The following SEC23IP variants were observed in gnomAD, a reference collection of about 807,000 sequenced individuals.
SEC23IP encodes the protein SEC23 interacting protein.
A neutral mutation model predicts 113.4 loss-of-function variants in SEC23IP; 70 were observed. The ratio of observed to expected loss-of-function variants is 0.62; its 90% CI spans 0.51 to 0.75. The LOEUF (loss-of-function observed/expected upper bound fraction) is 0.75, where lower values mean the gene tolerates loss of function less well. Ranked by LOEUF, SEC23IP falls within the 30% of genes least tolerant of loss-of-function variation. The pLI is 0.00. For missense variants in SEC23IP, 1,160 were observed against 1,204.9 expected, an observed-to-expected ratio of 0.96 and a Z score of 0.55; for synonymous variants, 398 against 421.0, an observed-to-expected ratio of 0.95 and a Z score of 0.67.
intron 2 of SEC23IP, among the ~76,000 whole-genome samples, chr10:119,899,775 G>T (rs1353825701): frequency 6.6e-6 from 1 of 152,136 alleles, no homozygotes; most frequent in Non-Finnish European, 1.5e-5. Context: ...ATTGTAGTTT[G>T]TTGCTTAAAT....
At position 119,943,575 on chromosome 10, in the gene SEC23IP, G is replaced by A. The variant is rs1399650544; in HGVS notation, c.*3010G>A. ...ACTGCACTCTAGCCTGAGTGACAGA[G>A]CGAGACTCTGTCTCAAAAAAAAATA... On this transcript the variant is annotated 3_prime_UTR_variant, in exon 19 of 19. Transcript: ENST00000369075. The A allele has an allele frequency of 6.6e-6, 1 of 152,108 alleles. No individual in the cohort carries two copies. Among genetic ancestry groups the A allele is most frequent in the Non-Finnish European group, 1.5e-5 (1 of 68,046 alleles). 9.4% of individuals were successfully genotyped at this position (152,108 alleles called of 1,614,324 possible).
intron 18 of SEC23IP, among the ~76,000 whole-genome samples, chr10:119,937,572 C>T (rs959113593): frequency 6.6e-6 from 1 of 151,654 alleles, no homozygotes; most frequent in Non-Finnish European, 1.5e-5. Context: ...GTTGCAGTGA[C>T]CCTAGATTGT....
rs1438631522 is a variant in SEC23IP at position 119,941,371 on chromosome 10, TTTC to T, written c.*815_*817del. 6.6e-6 allele frequency: 1 copy of T among 152,214 alleles called. No homozygotes were observed. The highest frequency in any genetic ancestry group is 1.5e-5 in the Non-Finnish European group (1 of 68,046). The allele number at this position is 152,214 out of a possible 1,614,324, so 9.4% of individuals were successfully genotyped here. A position where few individuals can be genotyped will look rare whatever the true frequency, so the allele number is the denominator to read the frequency against. ...ATGTGAAAACCAAAGTAGAGGTTTT[TTTC>T]TTCTTCTTTTTGTTTTCTATTAATT... On this transcript the variant is annotated 3_prime_UTR_variant, in exon 19 of 19. Coordinates refer to ENST00000369075, the MANE Select transcript of SEC23IP (RefSeq NM_007190.4).
Position 119,914,451 on chromosome 10 carries a change from G to A in SEC23IP, c.1313-279G>A, listed in dbSNP as rs1173563230. On this transcript the variant is annotated intron_variant, in intron 6 of 18. Transcript: ENST00000369075. ...TTCTGAAGCATCACAAGGTTGTGGA[G>A]CCTCCATAGATACAAACCTGCTGCT... The A allele has an allele frequency of 4.7e-5, 19 of 404,176 alleles. No individual in the cohort carries two copies. In the East Asian group the frequency reaches 8.7e-4, roughly 18 times the overall value. 25.0% of individuals were successfully genotyped at this position (404,176 alleles called of 1,614,324 possible). A position where few individuals can be genotyped will look rare whatever the true frequency, so the allele number is the denominator to read the frequency against.
Position 119,942,319 on chromosome 10 carries a change from A to G in SEC23IP, c.*1754A>G, listed in dbSNP as rs935774920. 1.3e-5 allele frequency: 2 copies of G among 151,804 alleles called. No individual in the cohort carries two copies. Among genetic ancestry groups the G allele is most frequent in the African/African-American group, 4.8e-5 (2 of 41,542 alleles). The allele number at this position is 151,804 out of a possible 1,614,324, so 9.4% of individuals were successfully genotyped here. A position where few individuals can be genotyped will look rare whatever the true frequency, so the allele number is the denominator to read the frequency against. The stretch of plus-strand genomic sequence containing the variant: ...TGAGTGACTCTGCCTGTGGATATAT[A>G]TACTCATACATACATATATATATAT... On this transcript the variant is annotated 3_prime_UTR_variant, in exon 19 of 19. Coordinates refer to ENST00000369075, the MANE Select transcript of SEC23IP (RefSeq NM_007190.4).
chr10:119,932,542 C>G (rs900697108), intron 16 of SEC23IP, among the ~76,000 whole-genome samples: 2 of 151,944 alleles, frequency 1.3e-5, no homozygotes, highest in Non-Finnish European at 2.9e-5. Flanking sequence ...GAACTTTTTC[C>G]TCTGCAATTT....
intron 7 of SEC23IP, 116 bp downstream of exon 7, chr10:119,914,935 A>C: frequency 1.1e-6 from 1 of 923,936 alleles, no homozygotes; most frequent in Non-Finnish European, 1.7e-6. Flanking sequence ...GGAGTCTGTA[A>C]GAGGAAATTT....
At chr10:119,932,528 T>TA (rs1407320826) in intron 16 of SEC23IP, among the ~76,000 whole-genome samples, 1 of 152,188 alleles carries the variant, frequency 6.6e-6, no homozygotes, top group Non-Finnish European at 1.5e-5. Context: ...ATCTGATAGT[T>TA]ACTGAACTTT....
chr10:119,923,701 A>ACCAC (rs768087598), intron 12 of SEC23IP, among the ~76,000 whole-genome samples: 4 of 152,164 alleles, frequency 2.6e-5, no homozygotes, highest in Admixed American at 6.6e-5. Context: ...GGCGTCTGCC[A>ACCAC]CCACACCCAG....
chr10:119,918,382 C>A lies in SEC23IP; in HGVS notation c.1754-11C>A. ...TACTACATTATAAGGCAAAATGTTT[C>A]TTTTTCATAGGTTCTTTAATATTGT... On this transcript the variant is annotated splice_polypyrimidine_tract_variant and intron_variant, in intron 9 of 18. Transcript: ENST00000369075. 6.6e-7 allele frequency: 1 copy of A among 1,519,636 alleles called. No homozygotes were observed. The allele number at this position is 1,519,636 out of a possible 1,614,324, so 94.1% of individuals were successfully genotyped here.
intron 1 of SEC23IP, 111 bp from the exon 2 acceptor site, chr10:119,898,316 C>A: frequency 7.4e-7 from 1 of 1,347,670 alleles, no homozygotes. Context: ...GCAGAAATAG[C>A]AAGTTTGAAG....
In SEC23IP at chr10:119,933,018, T is replaced by G; in HGVS notation, c.2772T>G (p.Val924=). Residue 924 remains valine (V), a synonymous_variant, in exon 17 of 19, where the codon GTT becomes GTG. Coordinates refer to ENST00000369075, the MANE Select transcript of SEC23IP (RefSeq NM_007190.4). ...EKQVVEAEKV[V]ESPDFSKDED... ...TTTAAATTCTAGCAGAAAAGGTTGTTGAAAGTCCAGATTTTTCCAAGGATG... is the reference window on the plus strand; with the variant it reads ...TTTAAATTCTAGCAGAAAAGGTTGTGGAAAGTCCAGATTTTTCCAAGGATG... The G allele has an allele frequency of 6.2e-7, 1 of 1,613,482 alleles. No homozygotes were observed. Among genetic ancestry groups the G allele is most frequent in the Non-Finnish European group, 8.5e-7 (1 of 1,179,732 alleles).
At chr10:119,919,393 T>C in intron 10 of SEC23IP, 51 bp from the exon 11 acceptor site, 1 of 1,516,780 alleles carries the variant, frequency 6.6e-7, no homozygotes, top group Non-Finnish European at 8.9e-7. Context: ...GCAGTCATTA[T>C]ATGGGAGTTT....
intron 7 of SEC23IP, 23 bp downstream of exon 7, chr10:119,914,842 T>G (rs1451552929): frequency 1.3e-6 from 2 of 1,594,920 alleles, no homozygotes; most frequent in Non-Finnish European, 1.7e-6. Context: ...TATATTGTAT[T>G]TCATGGGATG....
intron 8 of SEC23IP, 64 bp downstream of exon 8, chr10:119,915,953 A>T (rs960176733): frequency 5.2e-5 from 67 of 1,299,748 alleles, no homozygotes; most frequent in African/African-American, 7.6e-5. Flanking sequence ...TTTAAACCGT[A>T]ATATGAAATA....
chr10:119,929,143 T>C (rs1855508381), intron 13 of SEC23IP, among the ~76,000 whole-genome samples: 1 of 152,238 alleles, frequency 6.6e-6, no homozygotes, highest in Admixed American at 6.5e-5. Flanking sequence ...ATAGTAATTC[T>C]TATATACTAT....
At chr10:119,894,392 C>T (rs1302156750) in intron 1 of SEC23IP, among the ~76,000 whole-genome samples, 1 of 152,204 alleles carries the variant, frequency 6.6e-6, no homozygotes. Flanking sequence ...ATGAAGGTTC[C>T]CCTGCCCATG....
intron 10 of SEC23IP, 86 bp downstream of exon 10, chr10:119,918,597 C>CG: frequency 2.7e-6 from 2 of 732,892 alleles, no homozygotes; most frequent in South Asian, 3.3e-5. Context: ...TTTCTTGAAA[C>CG]TTTTGTTTGT....
rs773788768 is a variant in SEC23IP, at chr10:119,898,618, G to A, written c.355G>A (p.Ala119Thr). 2.5e-6 allele frequency: 4 copies of A among 1,614,190 alleles called. No individual in the cohort carries two copies. Among genetic ancestry groups the A allele is most frequent in the East Asian group, 2.2e-5 (1 of 44,882 alleles). Residue 119 changes from alanine to threonine, a missense_variant, in exon 2 of 19, where the codon GCT (alanine) becomes ACT (threonine). Coordinates refer to ENST00000369075, the MANE Select transcript of SEC23IP (RefSeq NM_007190.4). ...ATCAGGATTCCCCAAGCCCCTGACT[G>A]CTCTCCCTTTTACAACTGGATCCCA... ...GQSGFPKPLT[A>T]LPFTTGSQDV...
Sources: allele counts gnomAD v4.1 joint callset (sites outside exome capture counted in the v4.1 genomes callset), GRCh38; gene constraint gnomAD v4.1.1; transcripts MANE v1.5; gene names NCBI Gene and HGNC (gene_info 2026-07-23, HGNC 2026-07-21).